SEMA4B: variants seen among roughly 807,000 people sequenced by gnomAD.
The protein encoded by SEMA4B is semaphorin 4B.
Under a neutral mutation model 88.1 loss-of-function variants are expected in SEMA4B, and 55 were observed. That is an observed-to-expected ratio of 0.62 (90% CI 0.50 to 0.78). SEMA4B has a LOEUF of 0.78. SEMA4B is among the 30% of genes least tolerant of loss of function. The pLI is 0.00. For synonymous variants in SEMA4B, 525 were observed against 473.6 expected (o/e 1.11, Z -1.41); for missense variants, 1,062 against 1,111.9 (o/e 0.96, Z 0.64).
chr15:90,200,675 G>A (rs1960670980), upstream of SEMA4B, among the ~76,000 whole-genome samples: 2 of 152,172 alleles, frequency 1.3e-5, no homozygotes, highest in African/African-American at 4.8e-5. Context: ...CGTGCAGGTT[G>A]TGAAGGTTTT....
At chr15:90,202,028 G>A (rs540220715) in intron 1 of SEMA4B, among the ~76,000 whole-genome samples, 3 of 152,372 alleles carry the variant, frequency 2.0e-5, no homozygotes, top group African/African-American at 7.2e-5. Flanking sequence ...GGGTCCGCCT[G>A]CCCATCTACT....
In SEMA4B at chr15:90,221,841, A is replaced by C. The variant is rs1052794075; in HGVS notation, c.861+76A>C. The C allele has an allele frequency of 1.6e-5, 22 of 1,418,216 alleles. No homozygotes were observed. The South Asian group carries it at 2.4e-4, about 15-fold the overall frequency. 87.9% of individuals were successfully genotyped at this position (1,418,216 alleles called of 1,614,324 possible). Reference sequence around the variant, plus strand: ...CACAGCTGCAAGATCACCCACATCCATGCATGGCCTTTCCCATCCCGCCAA... The same window carrying C: ...CACAGCTGCAAGATCACCCACATCCCTGCATGGCCTTTCCCATCCCGCCAA... On this transcript the variant is annotated intron_variant, in intron 7 of 13. Transcript: ENST00000411539.
At chr15:90,215,034 C>T (rs774018770) in intron 1 of SEMA4B, 38 of 1,246,118 alleles carry the variant, frequency 3.0e-5, no homozygotes, top group South Asian at 1.1e-4. Context: ...TCCTCAGCTT[C>T]GTGAGACTGT....
intron 1 of SEMA4B, among the ~76,000 whole-genome samples, chr15:90,215,760 C>T (rs1031396746): frequency 1.3e-5 from 2 of 151,864 alleles, no homozygotes; most frequent in African/African-American, 2.4e-5. Flanking sequence ...TGCGGTGAGC[C>T]GAGATCATGC....
intron 1 of SEMA4B, among the ~76,000 whole-genome samples, chr15:90,213,033 G>T (rs1218733963): frequency 6.6e-6 from 1 of 152,166 alleles, no homozygotes; most frequent in South Asian, 2.1e-4. Context: ...AGTGTTGGTC[G>T]CGTGCCAGAC....
Position 90,228,103 on chromosome 15 carries a change from A to T in SEMA4B, c.1974A>T (p.Ser658=), listed in dbSNP as rs776350262. ...TQQLGEFQCW[S]LEEGFQQLVA... ...AGCTGGGGGAGTTCCAGTGCTGGTC[A>T]CTAGAGGAGGGCTTCCAGCAGCTGG... Residue 658 remains serine, a synonymous_variant, in exon 14 of 14, where the codon TCA becomes TCT. Coordinates refer to ENST00000411539, the MANE Select transcript of SEMA4B (RefSeq NM_198925.4). The T allele has an allele frequency of 6.2e-7, 1 of 1,612,340 alleles. No individual in the cohort carries two copies. The highest frequency in any genetic ancestry group is 8.5e-7 in the Non-Finnish European group (1 of 1,179,164).
chr15:90,229,325 C>G lies in SEMA4B; in HGVS notation c.*682C>G, dbSNP rs150106856. 3 of 456,926 alleles carry G rather than the reference C, an allele frequency of 6.6e-6. No homozygotes were observed. The East Asian group carries it at 2.1e-4, about 32-fold the overall frequency. The allele number at this position is 456,926 out of a possible 1,614,324, so 28.3% of individuals were successfully genotyped here. A position where few individuals can be genotyped will look rare whatever the true frequency, so the allele number is the denominator to read the frequency against. ...GCTGTGGCCACACGAGAGGACAGCG[C>G]GAGCTCAGGAGAGATTTCGTGACAA... On this transcript the variant is annotated 3_prime_UTR_variant, in exon 14 of 14. Transcript: ENST00000411539.
chr15:90,193,314 A>G (rs1000145295), intron 1 of SEMA4B: 6 of 152,218 alleles, frequency 3.9e-5, no homozygotes, highest in African/African-American at 1.2e-4. Context: ...TGGGGAGAAC[A>G]CATCAGCACA....
At chr15:90,188,324 A>AAAAAT (rs201842956) in intron 1 of SEMA4B, among the ~76,000 whole-genome samples, 3 of 151,946 alleles carry the variant, frequency 2.0e-5, no homozygotes, top group Admixed American at 6.6e-5. Flanking sequence ...ACACTGTCTC[A>AAAAAT]AAAATAAAAT....
chr15:90,225,435 G>T (rs1182996167), intron 11 of SEMA4B, 38 bp downstream of exon 11: 12 of 1,525,380 alleles, frequency 7.9e-6, no homozygotes, highest in Non-Finnish European at 1.1e-5. Flanking sequence ...AGGGTACTTG[G>T]GGGGTGCCCT....
rs370371977 is a variant in SEMA4B, at chr15:90,185,997, G to A, written c.-122+916G>A. Among the ~76,000 whole-genome samples the A allele has an allele frequency of 6.0e-5, 8 of 134,118 alleles. No individual in the cohort carries two copies. In the East Asian group the frequency reaches 9.8e-4, roughly 16 times the overall value. The allele number at this position is 134,118 out of a possible 152,430, so 88.0% of individuals were successfully genotyped here. ...CCTCCAGGCTACAGTGCAGTAGCGC[G>A]ATCTTGGCTCACCGCAACCTCCACC... On this transcript the variant is annotated intron_variant, in intron 1 of 14. Coordinates refer to the SEMA4B transcript ENST00000332496.
rs1285527073 is a variant in SEMA4B, at chr15:90,222,231, C to T, written c.861+466C>T. On this transcript the variant is annotated intron_variant, in intron 7 of 13. Coordinates refer to ENST00000411539, the MANE Select transcript of SEMA4B (RefSeq NM_198925.4). ...CTGGGATTACAGGCATGAGCCACTG[C>T]ACCCAGCCATTTTTTTTCTTTTCTT... Among the ~76,000 whole-genome samples the T allele has an allele frequency of 2.0e-5, 3 of 146,634 alleles. 1 individual carries two copies. Among genetic ancestry groups the T allele is most frequent in the South Asian group, 4.3e-4 (2 of 4,664 alleles).
At chr15:90,195,828 C>T (rs929909309) in intron 1 of SEMA4B, among the ~76,000 whole-genome samples, 2 of 151,664 alleles carry the variant, frequency 1.3e-5, no homozygotes, top group Non-Finnish European at 2.9e-5. Flanking sequence ...CAGGTTGGTC[C>T]CGAACCCCTG....
At position 90,219,876 on chromosome 15, in the gene SEMA4B, C is replaced by A. The variant is rs1323868835; in HGVS notation, c.468C>A (p.Pro156=). 1 of 1,612,758 alleles carries A rather than the reference C, an allele frequency of 6.2e-7. No homozygotes were observed. The highest frequency in any genetic ancestry group is 8.5e-7 in the Non-Finnish European group (1 of 1,179,444). Residue 156 remains proline, a synonymous_variant, in exon 4 of 14, where the codon CCC becomes CCA. Coordinates refer to ENST00000411539, the MANE Select transcript of SEMA4B (RefSeq NM_198925.4). ...LFTCGTAAFS[P]MCTYINMENF... ...CCTGTGGCACAGCAGCCTTCAGCCC[C>A]ATGTGTACCTACATCGTGAGTGACC... is the stretch of plus-strand genomic sequence containing the variant.
Position 90,185,862 on chromosome 15 carries a change from A to T in SEMA4B, c.-122+781A>T, listed in dbSNP as rs138992594. On this transcript the variant is annotated intron_variant, in intron 1 of 14. Transcript: ENST00000332496. ...CAGAGAGATTAAATCGCTTCCCAAG[A>T]TGACAGTGAGTTAGTGGGAAGGTCA... Among the ~76,000 whole-genome samples the T allele has an allele frequency of 4.8e-3, 720 of 150,958 alleles. 13 individuals are homozygous for T. The highest frequency in any genetic ancestry group is 0.017 in the African/African-American group (685 of 41,224).
chr15:90,201,831 G>A, intron 1 of SEMA4B, 96 bp downstream of exon 1: 1 of 1,219,892 alleles, frequency 8.2e-7, no homozygotes, highest in Non-Finnish European at 1.1e-6. Flanking sequence ...ACCAAGGAGG[G>A]GACCTGTCGG....
At chr15:90,199,113 A>T (rs1176115559), upstream of SEMA4B, among the ~76,000 whole-genome samples, 3 of 152,064 alleles carry the variant, frequency 2.0e-5, no homozygotes, top group Admixed American at 6.6e-5. Context: ...ACCTCAAGTG[A>T]TCTGCCCGCC....
chr15:90,190,510 G>C (rs947745344), intron 1 of SEMA4B: 5 of 152,460 alleles, frequency 3.3e-5, no homozygotes, highest in Non-Finnish European at 7.3e-5. Context: ...GGGTCAGAGA[G>C]CTCCTCCTCC....
intron 1 of SEMA4B, among the ~76,000 whole-genome samples, chr15:90,209,955 A>T (rs1961183537): frequency 6.6e-6 from 1 of 152,168 alleles, no homozygotes; most frequent in Admixed American, 6.5e-5. Context: ...TTTTAGGCAG[A>T]ACAGTGACGG....
Sources: allele counts gnomAD v4.1 joint callset (sites outside exome capture counted in the v4.1 genomes callset), GRCh38; gene constraint gnomAD v4.1.1; transcripts MANE v1.5; gene names NCBI Gene and HGNC (gene_info 2026-07-23, HGNC 2026-07-21).